GSN: variants seen among roughly 807,000 people sequenced by gnomAD.
GSN encodes the protein gelsolin.
A neutral mutation model predicts 85.7 loss-of-function variants in GSN; 56 were observed. The observed-to-expected ratio is 0.65, with a 90% CI of 0.53 to 0.82. The LOEUF is 0.82. GSN is among the 40% of genes least tolerant of loss of function. The pLI is 0.00. For synonymous variants in GSN, 373 were observed against 399.1 expected (o/e 0.93, Z 0.78); for missense variants, 857 against 979.8 (o/e 0.87, Z 1.67).
intron 7 of GSN, among the ~76,000 whole-genome samples, chr9:121,314,359 GAA>G (rs2061491546): frequency 6.6e-6 from 1 of 152,366 alleles, no homozygotes; most frequent in African/African-American, 2.4e-5. Flanking sequence ...AAACAGCTTA[GAA>G]AATACTTGGG....
chr9:121,274,131 T>C (rs747907761), intron 1 of GSN, among the ~76,000 whole-genome samples: 2 of 152,240 alleles, frequency 1.3e-5, no homozygotes, highest in Admixed American at 6.5e-5. Context: ...TAGAAACTCA[T>C]AGCAGATGAA....
At position 121,299,904 on chromosome 9, in the gene GSN, T is replaced by C. The variant is rs1285468090; in HGVS notation, c.-9-2059T>C. ...CGCGCCCGCGCTGCTTTGCGCGCTG[T>C]CCCTGGCGCTGTGCGCGCTGTCGCT... On this transcript the variant is annotated intron_variant, in intron 2 of 17. Transcript: ENST00000432226. The surrounding 1 kb of genome is among the most constrained non-coding windows in gnomAD (Gnocchi z 4.2). The C allele has an allele frequency of 5.5e-6, 7 of 1,263,936 alleles. No individual in the cohort carries two copies. Among genetic ancestry groups the C allele is most frequent in the Non-Finnish European group, 7.0e-6 (7 of 1,000,410 alleles). 78.3% of individuals were successfully genotyped at this position (1,263,936 alleles called of 1,614,324 possible).
chr9:121,226,577 T>C (rs1194163712), intron 4 of GSN, among the ~76,000 whole-genome samples: 21 of 152,088 alleles, frequency 1.4e-4, no homozygotes, highest in Admixed American at 1.4e-3. Flanking sequence ...TAATAAGAAA[T>C]ATAAGTATTG....
chr9:121,317,636 G>A lies in GSN; in HGVS notation c.886+418G>A, dbSNP rs200827435. The A allele has an allele frequency of 2.4e-5, 7 of 291,566 alleles. No homozygotes were observed. The East Asian group carries it at 6.2e-4, about 26-fold the overall frequency. The allele number at this position is 291,566 out of a possible 1,614,324, so 18.1% of individuals were successfully genotyped here. A position where few individuals can be genotyped will look rare whatever the true frequency, so the allele number is the denominator to read the frequency against. ...GGGGGCTTTTCATGAAGATGATCTGGTTTGGGAAATGCTAAGCTAGAAGTT... is the reference window on the plus strand; with the variant it reads ...GGGGGCTTTTCATGAAGATGATCTGATTTGGGAAATGCTAAGCTAGAAGTT... On this transcript the variant is annotated intron_variant, in intron 8 of 17. Coordinates refer to ENST00000432226, the MANE Select transcript of GSN (RefSeq NM_198252.3).
chr9:121,277,255 C>G (rs1219140696), intron 1 of GSN, among the ~76,000 whole-genome samples: 1 of 152,236 alleles, frequency 6.6e-6, no homozygotes, highest in Admixed American at 6.5e-5. Context: ...CCCTTTCTCT[C>G]CTCATTGCTA....
chr9:121,285,966 G>A (rs1426155631), intron 2 of GSN: 4 of 197,138 alleles, frequency 2.0e-5, no homozygotes, highest in Non-Finnish European at 3.7e-5. Context: ...CTGAGGAAGT[G>A]TTGGGTTTTA....
At chr9:121,297,459 C>T (rs1421823192) in intron 2 of GSN, among the ~76,000 whole-genome samples, 1 of 152,170 alleles carries the variant, frequency 6.6e-6, no homozygotes, top group Non-Finnish European at 1.5e-5. Flanking sequence ...TTCCTCCAGC[C>T]TCAGGCAGCC....
intron 2 of GSN, chr9:121,286,629 G>A (rs1239968158): frequency 8.5e-6 from 13 of 1,528,436 alleles, no homozygotes; most frequent in African/African-American, 2.7e-5. Flanking sequence ...ATGACTATTG[G>A]TGTTCCTGTT....
At chr9:121,326,860 T>C (rs2063261018) in intron 13 of GSN, 178 bp downstream of exon 13, 7 of 768,860 alleles carry the variant, frequency 9.1e-6, no homozygotes, top group Non-Finnish European at 1.4e-5. Flanking sequence ...TCCCCCCTGT[T>C]TCAAGGATAC....
At chr9:121,229,085 T>C (rs1231206033) in intron 4 of GSN, among the ~76,000 whole-genome samples, 1 of 152,228 alleles carries the variant, frequency 6.6e-6, no homozygotes, top group Non-Finnish European at 1.5e-5. Flanking sequence ...TGGCCTGATA[T>C]ATCCTTTATA....
At chr9:121,309,755 G>A (rs1156522085) in intron 4 of GSN, 1 of 152,128 alleles carries the variant, frequency 6.6e-6, no homozygotes, top group Non-Finnish European at 1.5e-5. Context: ...AGGAGTTCAA[G>A]ACCAGCTTAA....
At chr9:121,289,554 G>A (rs2058486199) in intron 2 of GSN, among the ~76,000 whole-genome samples, 1 of 152,252 alleles carries the variant, frequency 6.6e-6, no homozygotes, top group Non-Finnish European at 1.5e-5. Flanking sequence ...GGGGTTGGAT[G>A]TGCGGAAGAG....
Position 121,249,077 on chromosome 9 carries a change from A to T in GSN, c.-341+754A>T, listed in dbSNP as rs542230497. On this transcript the variant is annotated intron_variant, in intron 6 of 24. Coordinates refer to the GSN transcript ENST00000373823. ...ATAACATAGGAGCTGAGGCAATGGG[A>T]GATGGTGAGGAGGGGCTTATTTCAA... 2.6e-5 allele frequency among the ~76,000 whole-genome samples: 4 copies of T among 152,184 alleles called. 1 individual carries two copies. The South Asian group carries it at 8.3e-4, about 32-fold the overall frequency.
At chr9:121,228,424 ATTTTTTTTTTT>A (rs869071386) in intron 4 of GSN, among the ~76,000 whole-genome samples, 28 of 48,104 alleles carry the variant, frequency 5.8e-4, no homozygotes, top group African/African-American at 2.1e-3. Flanking sequence ...ATATATATAT[ATTTTTTTTTTT>A]TTTTTTTTTT....
chr9:121,300,250 C>T (rs1282937605), intron 2 of GSN: 4 of 701,770 alleles, frequency 5.7e-6, no homozygotes, highest in Non-Finnish European at 1.1e-5. Flanking sequence ...CCCTGTCCTC[C>T]TCTAACATCT....
At chr9:121,280,540 C>A (rs112432725) in intron 1 of GSN, 1 of 152,136 alleles carries the variant, frequency 6.6e-6, no homozygotes, top group Non-Finnish European at 1.5e-5. Flanking sequence ...TACAGAGCTG[C>A]GAATATGACA....
chr9:121,310,301 T>A, intron 4 of GSN: 1 of 335,896 alleles, frequency 3.0e-6, no homozygotes, highest in South Asian at 2.5e-5. Context: ...AGGGGACTAG[T>A]GTGCCTTTGG....
rs765703897 is a variant in GSN at position 121,212,645 on chromosome 9, CTT to C, written c.-528+1791_-528+1792del. On this transcript the variant is annotated intron_variant, in intron 4 of 24. Transcript: ENST00000373823. The stretch of plus-strand genomic sequence containing the variant: ...AAGTCTTTTGGTCTCACTCCTTGGC[CTT>C]TTTTTTTTTTTTCTGAGATGGAGTC... Among the ~76,000 whole-genome samples the C allele has an allele frequency of 6.3e-5, 9 of 141,982 alleles. 1 individual carries two copies. The highest frequency in any genetic ancestry group is 4.5e-4 in the South Asian group (2 of 4,476). The allele number at this position is 141,982 out of a possible 152,430, so 93.1% of individuals were successfully genotyped here.
At chr9:121,314,141 C>A in intron 7 of GSN, 118 bp downstream of exon 7, 1 of 801,778 alleles carries the variant, frequency 1.2e-6, no homozygotes, top group Non-Finnish European at 2.2e-6. Flanking sequence ...TGGAGGGGGG[C>A]CTCAGCTTTC....
Sources: gnomAD v4.1 joint callset for allele counts (sites outside exome capture counted in the v4.1 genomes callset) on GRCh38, gnomAD v4.1.1 for gene constraint, Gnocchi (gnomAD v3.1) non-coding constraint, MANE v1.5 for transcripts, NCBI Gene and HGNC (gene_info 2026-07-23, HGNC 2026-07-21) for gene names.